RBFOX1: variants seen among roughly 807,000 people sequenced by gnomAD.
The protein encoded by RBFOX1 is RNA binding protein fox-1 homolog 1.
Under a neutral mutation model 57.7 loss-of-function variants are expected in RBFOX1, and 8 were observed. The ratio of observed to expected loss-of-function variants is 0.14; its 90% CI spans 0.08 to 0.25. The LOEUF is 0.25. Ranked by LOEUF, RBFOX1 falls within the 10% of genes least tolerant of loss-of-function variation. RBFOX1 has a pLI of 1.00. For synonymous variants in RBFOX1, 326 were observed against 222.4 expected (o/e 1.47, Z -4.15); for missense variants, 611 against 548.5 (o/e 1.11, Z -1.14).
At chr16:6,363,547 AAATAGAGTCG>A (rs781346360) in intron 2 of RBFOX1, among the ~76,000 whole-genome samples, 2 of 152,246 alleles carry the variant, frequency 1.3e-5, no homozygotes, top group Non-Finnish European at 2.9e-5. Flanking sequence ...CTGCCGGTTT[AAATAGAGTCG>A]AATTGAGGTT....
chr16:7,163,129 C>G lies in RBFOX1; in HGVS notation c.27+111031C>G, dbSNP rs1036733145. On this transcript the variant is annotated intron_variant, in intron 4 of 15. Coordinates refer to ENST00000550418, the MANE Select transcript of RBFOX1 (RefSeq NM_018723.4). ...CCTAAGTTACTGAATGCATCTGCAG[C>G]TCAACACTTTTGACATTTTTTTTTC... Among the ~76,000 whole-genome samples, 11 of 152,302 alleles carry G rather than the reference C, an allele frequency of 7.2e-5. No homozygotes were observed. The East Asian group carries it at 7.7e-4, about 11-fold the overall frequency.
intron 3 of RBFOX1, among the ~76,000 whole-genome samples, chr16:6,949,958 G>T (rs72774220): frequency 0.59 from 88,709 of 149,566 alleles, 26,514 homozygotes; most frequent in South Asian, 0.65. Context: ...TGTTGTTGTT[G>T]TTTTTTGGTA....
chr16:5,840,245 G>A (rs111252157), intron 3 of RBFOX1, among the ~76,000 whole-genome samples: 5 of 152,240 alleles, frequency 3.3e-5, no homozygotes, highest in African/African-American at 7.2e-5. Flanking sequence ...GCCTTATCTT[G>A]CTTCCCCTAT....
At chr16:6,323,682 TTA>T (rs999475809) in intron 2 of RBFOX1, among the ~76,000 whole-genome samples, 23 of 152,200 alleles carry the variant, frequency 1.5e-4, no homozygotes, top group African/African-American at 5.5e-4. Flanking sequence ...AAAACATTAT[TTA>T]TATGTTTATT....
At chr16:5,950,814 A>C (rs1387225437) in intron 4 of RBFOX1, among the ~76,000 whole-genome samples, 1 of 151,970 alleles carries the variant, frequency 6.6e-6, no homozygotes, top group Non-Finnish European at 1.5e-5. Context: ...GTTCAAGGGA[A>C]ACTCAGTGTG....
At chr16:6,683,280 C>G (rs575053884) in intron 3 of RBFOX1, among the ~76,000 whole-genome samples, 1 of 152,158 alleles carries the variant, frequency 6.6e-6, no homozygotes, top group East Asian at 1.9e-4. Context: ...TTTTTTCAAG[C>G]CTGTTAATGA....
At chr16:6,155,877 C>T (rs1352222155) in intron 1 of RBFOX1, among the ~76,000 whole-genome samples, 2 of 152,150 alleles carry the variant, frequency 1.3e-5, no homozygotes, top group Non-Finnish European at 2.9e-5. Context: ...ATGTCTTTTG[C>T]TGAGCATTTC....
At chr16:7,434,893 C>T (rs2098710135) in intron 4 of RBFOX1, among the ~76,000 whole-genome samples, 1 of 152,050 alleles carries the variant, frequency 6.6e-6, no homozygotes, top group Admixed American at 6.5e-5. Flanking sequence ...ACATGCACCA[C>T]CACACTGGGC....
intron 3 of RBFOX1, among the ~76,000 whole-genome samples, chr16:5,691,453 T>C (rs1013480061): frequency 6.6e-6 from 1 of 152,218 alleles, no homozygotes; most frequent in Non-Finnish European, 1.5e-5. Flanking sequence ...TGGTTGAATA[T>C]TTGTTAATTC....
At chr16:7,255,328 T>G (rs1380320637) in intron 4 of RBFOX1, among the ~76,000 whole-genome samples, 1 of 152,176 alleles carries the variant, frequency 6.6e-6, no homozygotes, top group Non-Finnish European at 1.5e-5. Context: ...TACAAAAAGA[T>G]TTCGTTAAAA....
chr16:5,772,345 T>C (rs946827289), intron 3 of RBFOX1, among the ~76,000 whole-genome samples: 39 of 148,330 alleles, frequency 2.6e-4, no homozygotes, highest in South Asian at 8.7e-4. Flanking sequence ...CATCTTCCCA[T>C]GTGCTTTTCA....
intron 1 of RBFOX1, among the ~76,000 whole-genome samples, chr16:5,297,230 A>C (rs1216417630): frequency 6.6e-6 from 1 of 152,222 alleles, no homozygotes; most frequent in Non-Finnish European, 1.5e-5. Context: ...GAGTGCAAAT[A>C]TCTCTTCAAC....
At chr16:5,582,547 CTT>C (rs57853959) in intron 2 of RBFOX1, among the ~76,000 whole-genome samples, 6,546 of 92,758 alleles carry the variant, frequency 0.071, 238 homozygotes, top group African/African-American at 0.12. Context: ...AAGCACGTCA[CTT>C]TTTTTTTTTT....
rs3046798 is a variant in RBFOX1, at chr16:7,144,417, C to CTTCTTTTTTTTTTTTTTTT, written c.27+92321_27+92322insCTTTTTTTTTTTTTTTTTT. On this transcript the variant is annotated intron_variant, in intron 4 of 15. Coordinates refer to ENST00000550418, the MANE Select transcript of RBFOX1 (RefSeq NM_018723.4). ...TCTTTTCTCTTTCTTTTTCTTTCTT[C>CTTCTTTTTTTTTTTTTTTT]TTTTTTTTTTTTTTTTTTTTTGAGT... Among the ~76,000 whole-genome samples, 49 of 66,930 alleles carry CTTCTTTTTTTTTTTTTTTT rather than the reference C, an allele frequency of 7.3e-4. 2 individuals carry two copies. The highest frequency in any genetic ancestry group is 2.2e-3 in the African/African-American group (37 of 16,500). The allele number at this position is 66,930 out of a possible 152,430, so 43.9% of individuals were successfully genotyped here.
intron 3 of RBFOX1, among the ~76,000 whole-genome samples, chr16:5,712,797 T>C (rs1388874528): frequency 1.3e-5 from 2 of 152,190 alleles, no homozygotes; most frequent in East Asian, 3.8e-4. Context: ...TGATCTGCAT[T>C]CCTAGTTTTT....
intron 3 of RBFOX1, among the ~76,000 whole-genome samples, chr16:7,003,106 C>T (rs1310639909): frequency 6.6e-6 from 1 of 151,736 alleles, no homozygotes; most frequent in Admixed American, 6.6e-5. Context: ...AATAGTCTTG[C>T]AGGAGCATTG....
chr16:5,728,560 A>G (rs1379008321), intron 3 of RBFOX1, among the ~76,000 whole-genome samples: 1 of 152,196 alleles, frequency 6.6e-6, no homozygotes, highest in Non-Finnish European at 1.5e-5. Flanking sequence ...GTTAAGAAGT[A>G]GGGAAAGGCG....
chr16:7,541,808 T>C (rs1368160854), intron 5 of RBFOX1, among the ~76,000 whole-genome samples: 1 of 152,162 alleles, frequency 6.6e-6, no homozygotes, highest in East Asian at 1.9e-4. Flanking sequence ...TGGCAAATGA[T>C]TTTGATGGGT....
chr16:6,653,898 A>G (rs1474881945), intron 2 of RBFOX1, among the ~76,000 whole-genome samples: 1 of 151,098 alleles, frequency 6.6e-6, no homozygotes, highest in Non-Finnish European at 1.5e-5. Context: ...GGATAAAAAG[A>G]TGAATTTGGG....
Sources: allele counts gnomAD v4.1 joint callset (sites outside exome capture counted in the v4.1 genomes callset), GRCh38; gene constraint gnomAD v4.1.1; transcripts MANE v1.5; gene names NCBI Gene and HGNC (gene_info 2026-07-23, HGNC 2026-07-21).